PACS2: variants seen among roughly 807,000 people sequenced by gnomAD.
The protein encoded by PACS2 is PACS1-like protein.
Under a neutral mutation model 113.0 loss-of-function variants are expected in PACS2, and 36 were observed. That is an observed-to-expected ratio of 0.32 (90% CI 0.24 to 0.42). The LOEUF (loss-of-function observed/expected upper bound fraction) is 0.42, where lower values mean the gene tolerates loss of function less well. Among genes scored for constraint, PACS2 ranks in the 10% least tolerant of loss-of-function variants. The probability of loss-of-function intolerance (pLI) is 1.00; values close to 1 mark genes in which losing one functional copy is unlikely to be tolerated. For missense variants in PACS2, 1,015 were observed against 1,239.5 expected (o/e 0.82, Z 2.72); for synonymous variants, 589 against 536.1 (o/e 1.10, Z -1.36).
At chr14:105,384,730 G>A (rs1173859356) in intron 17 of PACS2, 149 bp from the exon 18 acceptor site, 1 of 656,812 alleles carries the variant, frequency 1.5e-6, no homozygotes, top group Non-Finnish European at 2.8e-6. Flanking sequence ...CGAGAGTAGA[G>A]CACCAGGGCC....
intron 12 of PACS2, among the ~76,000 whole-genome samples, chr14:105,381,487 C>A (rs2080992638): frequency 6.6e-6 from 1 of 152,264 alleles, no homozygotes; most frequent in African/African-American, 2.4e-5. Context: ...AGTCTGGGCA[C>A]TGGTTTTTAC....
chr14:105,305,728 C>T (rs760893614), intron 1 of PACS2, among the ~76,000 whole-genome samples: 4 of 152,194 alleles, frequency 2.6e-5, no homozygotes, highest in Non-Finnish European at 5.9e-5. Context: ...ATGCTGCAAG[C>T]GCCCCAGGAA....
At chr14:105,391,093 C>T (rs889356442) in intron 20 of PACS2, 114 bp from the exon 21 acceptor site, 7 of 773,798 alleles carry the variant, frequency 9.0e-6, no homozygotes, top group South Asian at 2.9e-5. Context: ...ACCACCTGGC[C>T]GCTCCAGCAT....
In PACS2 at chr14:105,384,700, C is replaced by T. The variant is rs34918155; in HGVS notation, c.1892-179C>T. On this transcript the variant is annotated intron_variant, in intron 17 of 24. Coordinates refer to ENST00000447393, the MANE Select transcript of PACS2 (RefSeq NM_001100913.3). ...GGGCACAGCCCTTCAGGTCTTCCCA[C>T]GCTTGCCCTGGTACTGCCTCGAGAG... Among the ~76,000 whole-genome samples the T allele has an allele frequency of 4.2e-3, 641 of 152,332 alleles. 2 individuals carry two copies. The highest frequency in any genetic ancestry group is 0.02 in the Middle Eastern group (6 of 294).
At position 105,317,332 on chromosome 14, in the gene PACS2, C is replaced by T. The variant is rs1367964699; in HGVS notation, c.119+2295C>T. 6.6e-6 allele frequency among the ~76,000 whole-genome samples: 1 copy of T among 152,098 alleles called. No homozygotes were observed. Among genetic ancestry groups the T allele is most frequent in the Non-Finnish European group, 1.5e-5 (1 of 68,020 alleles). ...CGTGTGTCTTTCTGGATGGGCAGGG[C>T]CTGTCTTAAGCATGTACCGCCAGCT... On this transcript the variant is annotated intron_variant, in intron 1 of 24. Coordinates refer to ENST00000447393, the MANE Select transcript of PACS2 (RefSeq NM_001100913.3). This position sits in a 1 kb window ranked among gnomAD's most constrained non-coding sequence, Gnocchi z 4.2.
rs1555405535 is a variant in PACS2, at chr14:105,357,578, G to C, written c.423+2401G>C. Among the ~76,000 whole-genome samples the C allele has an allele frequency of 6.6e-6, 1 of 152,144 alleles. No individual in the cohort carries two copies. The highest frequency in any genetic ancestry group is 1.5e-5 in the Non-Finnish European group (1 of 68,018). The stretch of plus-strand genomic sequence containing the variant: ...CCCCGAGCACCAGGGCGGTTCATGG[G>C]CTCCCTGTGTCCTGCCACCTTTTGG... On this transcript the variant is annotated intron_variant, in intron 4 of 24. Transcript: ENST00000447393. The surrounding 1 kb of genome is among the most constrained non-coding windows in gnomAD (Gnocchi z 5.1).
chr14:105,331,694 C>T (rs1236460397), intron 1 of PACS2, among the ~76,000 whole-genome samples: 35 of 152,194 alleles, frequency 2.3e-4, no homozygotes, highest in Admixed American at 2.2e-3. Flanking sequence ...AACAACCCTC[C>T]CACCCTCCAA....
intron 18 of PACS2, 25 bp downstream of exon 18, chr14:105,385,012 T>C (rs1328213944): frequency 4.3e-6 from 6 of 1,392,332 alleles, no homozygotes; most frequent in Non-Finnish European, 6.0e-6. Context: ...CCAGGCACCA[T>C]ACCACAGGCT....
chr14:105,316,878 G>A (rs587635621), intron 1 of PACS2, among the ~76,000 whole-genome samples: 107 of 124,588 alleles, frequency 8.6e-4, no homozygotes, highest in Non-Finnish European at 1.3e-3. Context: ...GTTAATGGGC[G>A]GAGGAGTTAA....
chr14:105,388,481 C>G (rs587740208), intron 19 of PACS2: 1 of 152,548 alleles, frequency 6.6e-6, no homozygotes, highest in African/African-American at 2.4e-5. Context: ...TCCAGGCAGA[C>G]GGCTGGGCTG....
intron 22 of PACS2, 159 bp downstream of exon 22, chr14:105,391,925 C>A: frequency 1.5e-6 from 1 of 645,398 alleles, no homozygotes; most frequent in Non-Finnish European, 2.6e-6. Context: ...TCCTCTCTGG[C>A]CACCTCCTGC....
intron 5 of PACS2, 97 bp downstream of exon 5, chr14:105,367,472 A>G: frequency 7.8e-7 from 1 of 1,276,826 alleles, no homozygotes; most frequent in Non-Finnish European, 1.1e-6. Flanking sequence ...AGCCTGGCTT[A>G]AGGAGTTGGG....
chr14:105,368,222 G>C, intron 6 of PACS2, 75 bp downstream of exon 6: 1 of 1,104,128 alleles, frequency 9.1e-7, no homozygotes, highest in Non-Finnish European at 1.4e-6. Flanking sequence ...GTCCTCACCA[G>C]CTGTCACCAG....
chr14:105,370,764 T>G (rs1555409189), intron 8 of PACS2: 1 of 152,006 alleles, frequency 6.6e-6, no homozygotes, highest in Non-Finnish European at 1.5e-5. Flanking sequence ...TTCACCCTGT[T>G]GGCCAGGCTG....
chr14:105,381,738 C>T (rs587671370), intron 12 of PACS2, among the ~76,000 whole-genome samples, 176 bp from the exon 13 acceptor site: 7 of 152,374 alleles, frequency 4.6e-5, no homozygotes, highest in African/African-American at 7.2e-5. Context: ...CTGTGGCCCT[C>T]CCAGGGCTGG....
chr14:105,391,814 C>T, intron 22 of PACS2, 48 bp downstream of exon 22: 1 of 1,532,296 alleles, frequency 6.5e-7, no homozygotes, highest in Non-Finnish European at 8.8e-7. Context: ...CGCCCCACCA[C>T]ATGCTGCCTG....
chr14:105,380,007 A>T (rs1253045237), intron 10 of PACS2, 73 bp from the exon 11 acceptor site: 24 of 1,440,886 alleles, frequency 1.7e-5, no homozygotes, highest in Non-Finnish European at 2.2e-5. Context: ...GAGTCCCAGC[A>T]TTCCCAGTCC....
At position 105,371,659 on chromosome 14, in the gene PACS2, G is replaced by A. The variant is rs587728768; in HGVS notation, c.801+1759G>A. 2.6e-5 allele frequency: 4 copies of A among 152,232 alleles called. No homozygotes were observed. The East Asian group carries it at 7.7e-4, about 29-fold the overall frequency. 9.4% of individuals were successfully genotyped at this position (152,232 alleles called of 1,614,324 possible). A position where few individuals can be genotyped will look rare whatever the true frequency, so the allele number is the denominator to read the frequency against. ...CTTGGCCACTAGGAGTGCCACACCT[G>A]GCACTGCCCCCTGCCCAGGACTTCA... On this transcript the variant is annotated intron_variant, in intron 8 of 24. Coordinates refer to ENST00000447393, the MANE Select transcript of PACS2 (RefSeq NM_001100913.3).
chr14:105,338,409 G>C (rs587630691), intron 1 of PACS2, among the ~76,000 whole-genome samples: 4 of 152,314 alleles, frequency 2.6e-5, no homozygotes, highest in African/African-American at 7.2e-5. Context: ...GAGGGGGGCG[G>C]TGGTGGGGCA....
Sources: gnomAD v4.1 joint callset for allele counts (sites outside exome capture counted in the v4.1 genomes callset) on GRCh38, gnomAD v4.1.1 for gene constraint, Gnocchi (gnomAD v3.1) non-coding constraint, MANE v1.5 for transcripts, NCBI Gene and HGNC (gene_info 2026-07-23, HGNC 2026-07-21) for gene names.